The following BBOX1 variants were observed in gnomAD, a reference collection of about 807,000 sequenced individuals.
BBOX1 encodes gamma-butyrobetaine hydroxylase 1.
BBOX1 carries 35 observed loss-of-function variants against 41.6 expected under a neutral mutation model. The observed-to-expected ratio is 0.84, with a 90% confidence interval of 0.64 to 1.11. The LOEUF is 1.11. BBOX1 is among the 50% of genes most tolerant of loss of function. The pLI, the probability that BBOX1 is intolerant of heterozygous loss-of-function variation, is 0.00. For synonymous variants in BBOX1, 163 were observed against 154.7 expected (o/e 1.05, Z -0.40); for missense variants, 458 against 460.6 (o/e 0.99, Z 0.05).
intron 2 of BBOX1, among the ~76,000 whole-genome samples, chr11:27,047,859 T>A (rs1178614716): frequency 6.6e-6 from 1 of 152,116 alleles, no homozygotes; most frequent in African/African-American, 2.4e-5. Context: ...AAATGTAAAC[T>A]ATTATTACTT....
chr11:27,062,650 C>T (rs1294384317), intron 4 of BBOX1, among the ~76,000 whole-genome samples: 4 of 151,986 alleles, frequency 2.6e-5, no homozygotes, highest in Non-Finnish European at 5.9e-5. Context: ...CCTCTGCCCC[C>T]GGGTTCAAGT....
chr11:27,048,136 C>T (rs776630187), intron 2 of BBOX1, among the ~76,000 whole-genome samples: 1 of 152,066 alleles, frequency 6.6e-6, no homozygotes, highest in Non-Finnish European at 1.5e-5. Flanking sequence ...TTGAGATCTA[C>T]TCTTTCAGCA....
chr11:27,050,975 C>T (rs1851653803), intron 2 of BBOX1, among the ~76,000 whole-genome samples: 1 of 152,020 alleles, frequency 6.6e-6, no homozygotes, highest in Admixed American at 6.6e-5. Context: ...GTGGGCTTGG[C>T]ACAGATGGCA....
At chr11:27,050,675 T>C (rs1435883727) in intron 2 of BBOX1, among the ~76,000 whole-genome samples, 5 of 152,154 alleles carry the variant, frequency 3.3e-5, no homozygotes, top group African/African-American at 1.2e-4. Context: ...GCTACGAATA[T>C]TTGTATGTTG....
chr11:27,110,855 T>C (rs1859035143), intron 5 of BBOX1, among the ~76,000 whole-genome samples: 5 of 151,986 alleles, frequency 3.3e-5, no homozygotes, highest in Non-Finnish European at 1.5e-5. Context: ...TATATGAATA[T>C]ATATTAATAG....
chr11:27,088,855 C>T (rs1858135183), intron 4 of BBOX1, among the ~76,000 whole-genome samples: 2 of 151,962 alleles, frequency 1.3e-5, no homozygotes, highest in African/African-American at 4.8e-5. Flanking sequence ...CATATATTTG[C>T]TGTGGAGATT....
Position 27,127,689 on chromosome 11 carries a change from A to C in BBOX1, c.*236A>C, listed in dbSNP as rs772649013. ...TTCTGCTCTGTTGCATGCCTGCTCT[A>C]ATTTCTTTTGCCCATATATGAGTAT... On this transcript the variant is annotated 3_prime_UTR_variant, in exon 9 of 9. Transcript: ENST00000263182. The C allele has an allele frequency of 3.2e-5, 14 of 441,424 alleles. No homozygotes were observed. Among genetic ancestry groups the C allele is most frequent in the Non-Finnish European group, 5.5e-5 (14 of 254,834 alleles). 27.3% of individuals were successfully genotyped at this position (441,424 alleles called of 1,614,324 possible).
rs112299728 is a variant in BBOX1, at chr11:27,069,214, T to C, written c.334+11899T>C. Among the ~76,000 whole-genome samples the C allele has an allele frequency of 8.6e-3, 1,317 of 152,258 alleles. 16 individuals carry two copies. Among genetic ancestry groups the C allele is most frequent in the African/African-American group, 0.03 (1,265 of 41,568 alleles). ...TATTGAGTCTTCTAATTCATGAGCATGGGATGTGTTTCCATTTGTTTGTGT... is the reference window on the plus strand; with the variant it reads ...TATTGAGTCTTCTAATTCATGAGCACGGGATGTGTTTCCATTTGTTTGTGT... On this transcript the variant is annotated intron_variant, in intron 4 of 8. Coordinates refer to ENST00000263182, the MANE Select transcript of BBOX1 (RefSeq NM_003986.3).
intron 5 of BBOX1, among the ~76,000 whole-genome samples, chr11:27,095,888 G>A (rs1320804461): frequency 1.3e-5 from 2 of 151,974 alleles, no homozygotes; most frequent in Admixed American, 1.3e-4. Flanking sequence ...AGATTTAAAA[G>A]AAGAAAGAAT....
intron 5 of BBOX1, among the ~76,000 whole-genome samples, chr11:27,107,552 C>T (rs1564984000): frequency 1.3e-5 from 2 of 151,948 alleles, no homozygotes; most frequent in South Asian, 2.1e-4. Flanking sequence ...TGGTCCCATA[C>T]CTCTACTTCA....
intron 4 of BBOX1, among the ~76,000 whole-genome samples, chr11:27,085,555 ATCTCTCTCTCTCTC>A (rs59696795): frequency 8.9e-5 from 12 of 134,832 alleles, no homozygotes; most frequent in African/African-American, 2.4e-4. Flanking sequence ...ACATTCCCCC[ATCTCTCTCTCTCTC>A]TCTCTCTCTC....
At chr11:27,049,019 T>C (rs1453555289) in intron 2 of BBOX1, among the ~76,000 whole-genome samples, 1 of 151,346 alleles carries the variant, frequency 6.6e-6, no homozygotes, top group Non-Finnish European at 1.5e-5. Context: ...GTTCTTGTGA[T>C]AGTTTACTGA....
chr11:27,101,679 C>G (rs988985208), intron 5 of BBOX1, among the ~76,000 whole-genome samples: 3 of 152,056 alleles, frequency 2.0e-5, no homozygotes, highest in African/African-American at 7.2e-5. Flanking sequence ...AAATGTACAA[C>G]AAAGATTTCT....
intron 4 of BBOX1, among the ~76,000 whole-genome samples, chr11:27,091,195 C>T (rs1858230778): frequency 6.6e-6 from 1 of 151,874 alleles, no homozygotes; most frequent in African/African-American, 2.4e-5. Context: ...ATTCAGGGTC[C>T]CTGACTTCCT....
At chr11:27,093,455 A>G (rs560177907) in intron 5 of BBOX1, 89 bp downstream of exon 5, 29 of 1,306,836 alleles carry the variant, frequency 2.2e-5, no homozygotes, top group Non-Finnish European at 3.1e-5. Context: ...TTGAAGATAC[A>G]GAAATTCTCA....
intron 4 of BBOX1, among the ~76,000 whole-genome samples, chr11:27,080,653 T>A (rs1857804197): frequency 6.6e-6 from 1 of 151,968 alleles, no homozygotes; most frequent in Non-Finnish European, 1.5e-5. Flanking sequence ...CTCAGGCAGG[T>A]TGATGGATGT....
At chr11:27,119,303 C>T (rs570339191) in intron 6 of BBOX1, among the ~76,000 whole-genome samples, 89 of 152,156 alleles carry the variant, frequency 5.8e-4, no homozygotes, top group African/African-American at 2.1e-3. Flanking sequence ...CCTGCCTACT[C>T]CAACATCAAG....
At chr11:27,046,439 G>GTCACAC (rs138942752) in intron 2 of BBOX1, among the ~76,000 whole-genome samples, 1 of 149,634 alleles carries the variant, frequency 6.7e-6, no homozygotes. Flanking sequence ...ACACACCACA[G>GTCACAC]ACACACACAC....
chr11:27,102,250 A>C (rs1279302697), intron 5 of BBOX1, among the ~76,000 whole-genome samples: 1 of 152,112 alleles, frequency 6.6e-6, no homozygotes, highest in African/African-American at 2.4e-5. Context: ...AATACCATAA[A>C]ATTTAGGAAA....
Sources: gnomAD v4.1 joint callset for allele counts (sites outside exome capture counted in the v4.1 genomes callset) on GRCh38, gnomAD v4.1.1 for gene constraint, MANE v1.5 for transcripts, NCBI Gene and HGNC (gene_info 2026-07-23, HGNC 2026-07-21) for gene names.